The following ELP4 variants were observed in gnomAD, a reference collection of about 807,000 sequenced individuals.
The protein encoded by ELP4 is elongator complex protein 4.
Under a neutral mutation model 48.9 loss-of-function variants are expected in ELP4, and 51 were observed. That is an observed-to-expected ratio of 1.04 (90% confidence interval 0.83 to 1.32). The LOEUF is 1.32. Ranked by LOEUF, ELP4 falls within the 40% of genes most tolerant of loss-of-function variation. The pLI is 0.00. For synonymous variants in ELP4, 210 were observed against 189.2 expected, an observed-to-expected ratio of 1.11 and a Z score of -0.90; for missense variants, 519 against 514.6, an observed-to-expected ratio of 1.01 and a Z score of -0.08.
At chr11:31,741,031 A>G (rs1315356715) in intron 9 of ELP4, among the ~76,000 whole-genome samples, 1 of 151,728 alleles carries the variant, frequency 6.6e-6, no homozygotes, top group Non-Finnish European at 1.5e-5. Flanking sequence ...AAATCGGGTC[A>G]CTCCCACCCT....
intron 2 of ELP4, among the ~76,000 whole-genome samples, chr11:31,525,176 T>G (rs1290290888): frequency 6.6e-6 from 1 of 152,212 alleles, no homozygotes; most frequent in Non-Finnish European, 1.5e-5. Flanking sequence ...CCTAAAATAC[T>G]TGCTTTCTGA....
At chr11:31,623,289 A>G (rs542444704) in intron 5 of ELP4, among the ~76,000 whole-genome samples, 1 of 147,430 alleles carries the variant, frequency 6.8e-6, no homozygotes, top group African/African-American at 2.5e-5. Context: ...AGCATCCTCA[A>G]AAGTAAAGGA....
intron 2 of ELP4, among the ~76,000 whole-genome samples, chr11:31,529,599 GC>G (rs1283122972): frequency 6.6e-6 from 1 of 152,156 alleles, no homozygotes; most frequent in Admixed American, 6.6e-5. Context: ...ATTAAATAGT[GC>G]AGGAAGAGAG....
At chr11:31,726,161 A>G (rs549744804) in intron 9 of ELP4, among the ~76,000 whole-genome samples, 31 of 152,268 alleles carry the variant, frequency 2.0e-4, no homozygotes, top group Non-Finnish European at 4.1e-4. Context: ...CTTTTTTTCT[A>G]ATGAAAATAC....
At chr11:31,672,050 G>A (rs1470574118) in intron 9 of ELP4, among the ~76,000 whole-genome samples, 3 of 151,898 alleles carry the variant, frequency 2.0e-5, no homozygotes, top group African/African-American at 4.8e-5. Context: ...TTAGAAGGTC[G>A]ATGAGGGGGC....
chr11:31,533,365 A>ATTTTTTTTTTTTT (rs1592089795), intron 2 of ELP4, among the ~76,000 whole-genome samples: 3 of 67,740 alleles, frequency 4.4e-5, no homozygotes, highest in South Asian at 4.4e-4. Context: ...AAGCCATCTC[A>ATTTTTTTTTTTTT]TTCTTTTTTT....
intron 9 of ELP4, among the ~76,000 whole-genome samples, chr11:31,679,051 A>G (rs1022305687): frequency 6.6e-6 from 1 of 152,130 alleles, no homozygotes; most frequent in East Asian, 1.9e-4. Context: ...TTTTTTTGCC[A>G]TCCATCTGTC....
chr11:31,700,160 T>C (rs1251074066), intron 9 of ELP4, among the ~76,000 whole-genome samples: 1 of 152,056 alleles, frequency 6.6e-6, no homozygotes, highest in African/African-American at 2.4e-5. Flanking sequence ...CTGCTTGTTC[T>C]TGGATACTTC....
chr11:31,594,718 A>G, intron 3 of ELP4, 52 bp from the exon 4 acceptor site: 1 of 1,353,658 alleles, frequency 7.4e-7, no homozygotes, highest in Non-Finnish European at 9.8e-7. Context: ...GTTTAAGAAA[A>G]TTGTCATATT....
At position 31,790,116 on chromosome 11, in the gene ELP4, A is replaced by AAAAAC; in HGVS notation, c.*6593_*6597dup. On this transcript the variant is annotated 3_prime_UTR_variant, in exon 10 of 10. Coordinates refer to ENST00000640961, the MANE Select transcript of ELP4 (RefSeq NM_019040.5). ...GGTTTACAAAAAAAAAAAAAAAAAA[A>AAAAAC]AAAACTAATACTTTCTAACATTTTT... The AAAAAC allele has an allele frequency of 2.6e-6, 2 of 779,214 alleles. No individual in the cohort carries two copies. The highest frequency in any genetic ancestry group is 1.8e-5 in the African/African-American group (1 of 54,334). 48.3% of individuals were successfully genotyped at this position (779,214 alleles called of 1,614,324 possible).
At chr11:31,763,409 A>G (rs769192477) in intron 9 of ELP4, 4 of 1,595,004 alleles carry the variant, frequency 2.5e-6, no homozygotes, top group East Asian at 4.5e-5. Context: ...TCTCTGAGGC[A>G]GTGGGTGCAA....
Position 31,603,826 on chromosome 11 carries a change from C to T in ELP4, c.572C>T (p.Pro191Leu). Residue 191 changes from proline to leucine, a missense_variant, in exon 5 of 10, where the codon CCA becomes CTA. Transcript: ENST00000640961. ...GHYYDASKRM[P>L]QELIEASNWH... ...TATTATGATGCATCAAAAAGAATGC[C>T]ACAAGAACTAATTGAGGCTTCAAAT... 1 of 1,611,196 alleles carries T rather than the reference C, an allele frequency of 6.2e-7. No individual in the cohort carries two copies. The highest frequency in any genetic ancestry group is 8.5e-7 in the Non-Finnish European group (1 of 1,178,128).
At chr11:31,672,236 T>C (rs1007054536) in intron 9 of ELP4, among the ~76,000 whole-genome samples, 5 of 152,218 alleles carry the variant, frequency 3.3e-5, no homozygotes, top group African/African-American at 1.2e-4. Flanking sequence ...TACTCTATAC[T>C]GAGTATTATT....
intron 9 of ELP4, among the ~76,000 whole-genome samples, chr11:31,755,640 A>G (rs1287502367): frequency 1.3e-5 from 2 of 152,208 alleles, no homozygotes; most frequent in East Asian, 3.9e-4. Context: ...AAAGTCATAC[A>G]TAAAAGATGA....
intron 9 of ELP4, among the ~76,000 whole-genome samples, chr11:31,698,432 A>G (rs973163843): frequency 2.6e-5 from 4 of 151,964 alleles, no homozygotes; most frequent in Non-Finnish European, 5.9e-5. Context: ...TTTTTTTTTG[A>G]GACAGGGTTT....
chr11:31,721,611 C>T (rs1215760292), intron 9 of ELP4, among the ~76,000 whole-genome samples: 1 of 152,022 alleles, frequency 6.6e-6, no homozygotes, highest in East Asian at 1.9e-4. Context: ...CAGCACACTT[C>T]TGAAGCAGTG....
In ELP4 at chr11:31,603,754, G is replaced by A. The variant is rs748105879; in HGVS notation, c.514-14G>A. On this transcript the variant is annotated splice_polypyrimidine_tract_variant and intron_variant, in intron 4 of 9. Transcript: ENST00000640961. The stretch of plus-strand genomic sequence containing the variant: ...ATAATTGTTTAACAACCACTATGGG[G>A]TTTATTTTAGCAGATTGGACCAGTA... 5.0e-6 allele frequency: 8 copies of A among 1,603,604 alleles called. No individual in the cohort carries two copies. The highest frequency in any genetic ancestry group is 4.3e-6 in the Non-Finnish European group (5 of 1,174,302).
chr11:31,719,778 T>C (rs1276136808), intron 9 of ELP4: 1 of 273,946 alleles, frequency 3.7e-6, no homozygotes, highest in Non-Finnish European at 6.7e-6. Flanking sequence ...TAAAATATAC[T>C]GATGTCTGCA....
At chr11:31,566,736 G>C (rs1286294585) in intron 3 of ELP4, among the ~76,000 whole-genome samples, 1 of 151,842 alleles carries the variant, frequency 6.6e-6, no homozygotes, top group Non-Finnish European at 1.5e-5. Flanking sequence ...AATATACTAA[G>C]AGAAAAAAAG....
Sources: allele counts gnomAD v4.1 joint callset (sites outside exome capture counted in the v4.1 genomes callset), GRCh38; gene constraint gnomAD v4.1.1; transcripts MANE v1.5; gene names NCBI Gene and HGNC (gene_info 2026-07-23, HGNC 2026-07-21).